The following TNFRSF10D variants were observed in gnomAD, a reference collection of about 807,000 sequenced individuals.
TNFRSF10D encodes the protein tumor necrosis factor receptor superfamily member 10D.
A neutral mutation model predicts 42.1 loss-of-function variants in TNFRSF10D; 28 were observed. That is an observed-to-expected ratio of 0.66 (90% CI 0.49 to 0.91). The LOEUF is 0.91. Among genes scored for constraint, TNFRSF10D ranks in the 40% least tolerant of loss-of-function variants. The pLI is 0.00. For synonymous variants in TNFRSF10D, 186 were observed against 189.4 expected (o/e 0.98, Z 0.15); for missense variants, 503 against 486.1 (o/e 1.03, Z -0.33).
chr8:23,158,785 G>GT (rs953058643), intron 1 of TNFRSF10D, among the ~76,000 whole-genome samples: 3 of 152,076 alleles, frequency 2.0e-5, no homozygotes, highest in East Asian at 1.9e-4. Context: ...TCTATTGAAG[G>GT]TTTTTTTAAA....
Position 23,136,637 on chromosome 8 carries a change from A to T in TNFRSF10D, c.*1233T>A. ...AAAGAGAAGCTCTTCGCAGTCTCGG[A>T]TCTAACTTAATTCTCACTGTCCTCA... On this transcript the variant is annotated 3_prime_UTR_variant, in exon 9 of 9. Transcript: ENST00000312584. 6.5e-6 allele frequency: 1 copy of T among 152,758 alleles called. No individual in the cohort carries two copies. 9.5% of individuals were successfully genotyped at this position (152,758 alleles called of 1,614,324 possible).
chr8:23,153,447 G>A (rs1800234661), intron 2 of TNFRSF10D, among the ~76,000 whole-genome samples: 1 of 152,132 alleles, frequency 6.6e-6, no homozygotes, highest in African/African-American at 2.4e-5. Flanking sequence ...TACAGGATGA[G>A]AGATCAATAT....
At chr8:23,146,750 G>A (rs546561072) in intron 4 of TNFRSF10D, among the ~76,000 whole-genome samples, 77 of 152,196 alleles carry the variant, frequency 5.1e-4, no homozygotes, top group African/African-American at 1.8e-3. Context: ...CTCCTGCTGG[G>A]GAGGGTATGG....
intron 7 of TNFRSF10D, among the ~76,000 whole-genome samples, chr8:23,138,795 A>G (rs7011559): frequency 0.23 from 35,035 of 152,168 alleles, 4,495 homozygotes; most frequent in East Asian, 0.45. Context: ...GTAAAATTAA[A>G]CAGCAATTCT....
chr8:23,148,549 A>C lies in TNFRSF10D; in HGVS notation c.259T>G (p.Ser87Ala). ...GCTCCAGTATATTCTGATCTATGAG[A>C]TCCTGGGAAGGGAGAGAAAAGTTAA... ...SLKEEECPAGSHRSEYTGACN... is the reference protein window; with the variant it reads ...SLKEEECPAGAHRSEYTGACN... The change falls in exon 3 of 9, where the codon TCT (serine) becomes GCT (alanine). Residue 87 changes from serine to alanine, a missense_variant and splice_region_variant. Transcript: ENST00000312584. 2.5e-6 allele frequency: 4 copies of C among 1,604,698 alleles called. No individual in the cohort carries two copies. The highest frequency in any genetic ancestry group is 3.4e-6 in the Non-Finnish European group (4 of 1,173,258).
intron 2 of TNFRSF10D, 57 bp from the exon 3 acceptor site, chr8:23,148,608 C>A: frequency 7.6e-7 from 1 of 1,318,966 alleles, no homozygotes; most frequent in Non-Finnish European, 1.1e-6. Context: ...CAGAGGCTGA[C>A]AATGGCTGGC....
chr8:23,140,113 CCCCA>C (rs1814425365), intron 7 of TNFRSF10D, among the ~76,000 whole-genome samples: 5 of 152,200 alleles, frequency 3.3e-5, no homozygotes, highest in African/African-American at 9.6e-5. Flanking sequence ...CACGGTGAAA[CCCCA>C]CCTCTACTAA....
At chr8:23,149,867 T>C (rs1003799519) in intron 2 of TNFRSF10D, among the ~76,000 whole-genome samples, 1 of 152,104 alleles carries the variant, frequency 6.6e-6, no homozygotes, top group African/African-American at 2.4e-5. Context: ...CTATCAGGAA[T>C]TTCTGACTGT....
In TNFRSF10D at chr8:23,148,478, G is replaced by A; in HGVS notation, c.330C>T (p.Asn110=). The A allele has an allele frequency of 6.2e-7, 1 of 1,610,784 alleles. No individual in the cohort carries two copies. The highest frequency in any genetic ancestry group is 8.5e-7 in the Non-Finnish European group (1 of 1,177,826). ...TEGVDYTIAS[N]NLPSCLLCTV... ...TACATAGCAGGCAAGAAGGCAAATT[G>A]TTGGAAGCAATGGTGTAATCCACAC... The change falls in exon 3 of 9, where the codon AAC becomes AAT. Residue 110 remains asparagine (N), a synonymous_variant. Coordinates refer to ENST00000312584, the MANE Select transcript of TNFRSF10D (RefSeq NM_003840.5).
At chr8:23,138,144 T>C in intron 8 of TNFRSF10D, 44 bp downstream of exon 8, 1 of 1,613,452 alleles carries the variant, frequency 6.2e-7, no homozygotes, top group Non-Finnish European at 8.5e-7. Flanking sequence ...ACACCGTCCC[T>C]ATTCCCTGTC....
chr8:23,145,913 C>T lies in TNFRSF10D; in HGVS notation c.491G>A (p.Arg164Lys). ...MCRTCRTGCPRGMVKVSNCTP... is the reference protein window; with the variant it reads ...MCRTCRTGCPKGMVKVSNCTP... ...ACAATTACTGACCTTGACCATCCCT[C>T]TGGGACACCTGGGTACACACAGAGA... is the stretch of plus-strand genomic sequence containing the variant. Residue 164 changes from arginine (R) to lysine (K), a missense_variant, in exon 5 of 9, where the codon AGA becomes AAA. Coordinates refer to ENST00000312584, the MANE Select transcript of TNFRSF10D (RefSeq NM_003840.5). The T allele has an allele frequency of 6.2e-7, 1 of 1,614,156 alleles. No individual in the cohort carries two copies. Among genetic ancestry groups the T allele is most frequent in the East Asian group, 2.2e-5 (1 of 44,868 alleles).
intron 7 of TNFRSF10D, among the ~76,000 whole-genome samples, chr8:23,140,107 G>A (rs1009257579): frequency 3.3e-5 from 5 of 152,146 alleles, no homozygotes; most frequent in South Asian, 2.1e-4. Context: ...GGCTAACACG[G>A]TGAAACCCCA....
intron 2 of TNFRSF10D, among the ~76,000 whole-genome samples, chr8:23,148,855 A>C (rs890801804): frequency 1.3e-5 from 2 of 152,110 alleles, no homozygotes; most frequent in African/African-American, 4.8e-5. Context: ...TATCCAAAAC[A>C]CTACATTTCA....
intron 2 of TNFRSF10D, among the ~76,000 whole-genome samples, chr8:23,150,486 A>G (rs1167912701): frequency 6.6e-6 from 1 of 152,256 alleles, no homozygotes; most frequent in Non-Finnish European, 1.5e-5. Context: ...ATATTGCCAC[A>G]GGCTCCTGAG....
chr8:23,139,266 A>C (rs4278155), intron 7 of TNFRSF10D, among the ~76,000 whole-genome samples: 35,274 of 151,844 alleles, frequency 0.23, 4,590 homozygotes, highest in East Asian at 0.46. Context: ...ACTCAGTTAC[A>C]ATAAAATACT....
At chr8:23,143,560 TA>T (rs1050682884) in intron 7 of TNFRSF10D, among the ~76,000 whole-genome samples, 17 of 151,084 alleles carry the variant, frequency 1.1e-4, no homozygotes, top group African/African-American at 3.4e-4. Context: ...TTCCCTTCAT[TA>T]AAAAAAATGG....
chr8:23,162,861 G>T (rs4871851), intron 1 of TNFRSF10D, among the ~76,000 whole-genome samples: 25,811 of 151,980 alleles, frequency 0.17, 2,876 homozygotes, highest in East Asian at 0.58. Context: ...CAGGCTGTTT[G>T]TTAAACTGAT....
intron 7 of TNFRSF10D, among the ~76,000 whole-genome samples, chr8:23,143,522 TTTTG>T (rs1398180220): frequency 6.6e-6 from 1 of 152,064 alleles, no homozygotes; most frequent in Non-Finnish European, 1.5e-5. Context: ...TGTTGATATT[TTTTG>T]TTTATTTCCT....
chr8:23,138,098 A>G lies in TNFRSF10D; in HGVS notation c.1027+90T>C, dbSNP rs1315289420. ...CCCTGCTTCCAGCAGTGAAACCTCC[A>G]GAAGAGCCCTCTCAGCTATAGGGAC... On this transcript the variant is annotated intron_variant, in intron 8 of 8. Coordinates refer to ENST00000312584, the MANE Select transcript of TNFRSF10D (RefSeq NM_003840.5). 3.1e-6 allele frequency: 5 copies of G among 1,609,508 alleles called. No homozygotes were observed. The African/African-American group carries it at 4.0e-5, about 13-fold the overall frequency.
Sources: allele counts gnomAD v4.1 joint callset (sites outside exome capture counted in the v4.1 genomes callset), GRCh38; gene constraint gnomAD v4.1.1; transcripts MANE v1.5; gene names NCBI Gene and HGNC (gene_info 2026-07-23, HGNC 2026-07-21).